Variants in FOXP4 observed in about 807,000 individuals in gnomAD.
The protein encoded by FOXP4 is forkhead box protein P4.
FOXP4 carries 25 observed loss-of-function variants against 82.6 expected under a neutral mutation model. That is an observed-to-expected ratio of 0.30 (90% CI 0.22 to 0.42). The LOEUF is 0.42. FOXP4 is among the 10% of genes least tolerant of loss of function. The pLI is 1.00. For synonymous variants in FOXP4, 415 were observed against 388.2 expected, an observed-to-expected ratio of 1.07 and a Z score of -0.81; for missense variants, 785 against 900.9, an observed-to-expected ratio of 0.87 and a Z score of 1.65.
At chr6:41,567,963 A>G (rs1466068571) in intron 2 of FOXP4, among the ~76,000 whole-genome samples, 1 of 152,258 alleles carries the variant, frequency 6.6e-6, no homozygotes, top group Non-Finnish European at 1.5e-5. Flanking sequence ...AACATATTTG[A>G]GACTTAAAAA....
chr6:41,594,574 C>T (rs1442269304), intron 13 of FOXP4, among the ~76,000 whole-genome samples: 1 of 152,222 alleles, frequency 6.6e-6, no homozygotes, highest in Non-Finnish European at 1.5e-5. Context: ...TTATTACTAA[C>T]TGGATAGCAT....
In FOXP4 at chr6:41,591,582, C is replaced by G. The variant is rs1005534131; in HGVS notation, c.1536+260C>G. ...AGCAATCCTTCTCTAGGGTACACCC[C>G]CAAGGGCCCCAAAGACGCCAGCCCC... is the stretch of plus-strand genomic sequence containing the variant. On this transcript the variant is annotated intron_variant, in intron 13 of 16. Coordinates refer to ENST00000307972, the MANE Select transcript of FOXP4 (RefSeq NM_001012426.2). The surrounding 1 kb of genome is among the most constrained non-coding windows in gnomAD (Gnocchi z 4.2). 2.6e-5 allele frequency among the ~76,000 whole-genome samples: 4 copies of G among 152,192 alleles called. No homozygotes were observed. Among genetic ancestry groups the G allele is most frequent in the Admixed American group, 2.0e-4 (3 of 15,284 alleles).
In FOXP4 at chr6:41,584,926, C is replaced by T. The variant is rs754356891; in HGVS notation, c.423+35C>T. On this transcript the variant is annotated intron_variant, in intron 4 of 16. Transcript: ENST00000307972. ...GCCCCAGGGCAGCTGGTCCCTCCTC[C>T]TCTGCCTGGCCTGGCTCCTCCCACC... The T allele has an allele frequency of 1.1e-5, 18 of 1,580,050 alleles. No individual in the cohort carries two copies. In the Middle Eastern group the frequency reaches 5.1e-4, roughly 45 times the overall value.
At chr6:41,568,928 A>G (rs1296063234) in intron 2 of FOXP4, among the ~76,000 whole-genome samples, 2 of 152,362 alleles carry the variant, frequency 1.3e-5, no homozygotes, top group Non-Finnish European at 2.9e-5. Flanking sequence ...ACTTGTTTCC[A>G]TGCAACGAGC....
At chr6:41,552,092 G>T (rs1328542468) in intron 1 of FOXP4, among the ~76,000 whole-genome samples, 5 of 152,200 alleles carry the variant, frequency 3.3e-5, no homozygotes, top group Non-Finnish European at 7.3e-5. Context: ...GGAGGTTGGG[G>T]TAGCTTCCGT....
chr6:41,574,880 A>G (rs1006179651), intron 2 of FOXP4, among the ~76,000 whole-genome samples: 3 of 152,214 alleles, frequency 2.0e-5, no homozygotes, highest in Admixed American at 6.5e-5. Flanking sequence ...TTCCCCAGGT[A>G]GAAGAAAGCC....
At chr6:41,589,886 G>C (rs370795634) in intron 10 of FOXP4, 32 bp downstream of exon 10, 48 of 1,591,252 alleles carry the variant, frequency 3.0e-5, no homozygotes, top group Admixed American at 1.0e-4. Flanking sequence ...GCCCCTCCCA[G>C]AGCCTTCCAC....
At chr6:41,588,825 T>A (rs1366261425) in intron 9 of FOXP4, 94 bp downstream of exon 9, 1 of 1,393,932 alleles carries the variant, frequency 7.2e-7, no homozygotes, top group Non-Finnish European at 1.0e-6. Flanking sequence ...GTTGGGAGGG[T>A]CTCATGGAAG....
chr6:41,590,541 G>T (rs1040656140), intron 12 of FOXP4, among the ~76,000 whole-genome samples, 194 bp downstream of exon 12: 48 of 152,266 alleles, frequency 3.2e-4, no homozygotes, highest in African/African-American at 1.1e-3. Context: ...GCTGCATAGG[G>T]TTATGTGTCT....
At chr6:41,580,872 C>T (rs548825338) in intron 3 of FOXP4, among the ~76,000 whole-genome samples, 3 of 152,330 alleles carry the variant, frequency 2.0e-5, no homozygotes, top group East Asian at 3.9e-4. Context: ...GCCCACGCAC[C>T]TCCCAGCCAC....
chr6:41,561,863 G>A (rs2127339939), intron 1 of FOXP4, among the ~76,000 whole-genome samples: 1 of 152,326 alleles, frequency 6.6e-6, no homozygotes, highest in African/African-American at 2.4e-5. Flanking sequence ...GAAGGCAGAG[G>A]ATTCACAATG....
rs748467426 is a variant in FOXP4, at chr6:41,590,362, TAGG to T, written c.1434+22_1434+24del. 6.2e-6 allele frequency: 10 copies of T among 1,612,652 alleles called. No homozygotes were observed. Among genetic ancestry groups the T allele is most frequent in the East Asian group, 2.2e-5 (1 of 44,864 alleles). On this transcript the variant is annotated intron_variant, in intron 12 of 16. Coordinates refer to ENST00000307972, the MANE Select transcript of FOXP4 (RefSeq NM_001012426.2). ...TCATCCGCCAGGTGAGCAGGGCAGGTAGGAGGAGGGTGGGGAATGGCACACAGG... is the reference window on the plus strand; with the variant it reads ...TCATCCGCCAGGTGAGCAGGGCAGGTAGGAGGGTGGGGAATGGCACACAGG...
chr6:41,585,386 G>T lies in FOXP4; in HGVS notation c.424-45G>T, dbSNP rs969169314. ...AGATGGGACAGGGCTGGGGTTGTGGGGATAGCAGTACCCTGCCAGTGGTAA... is the reference window on the plus strand; with the variant it reads ...AGATGGGACAGGGCTGGGGTTGTGGTGATAGCAGTACCCTGCCAGTGGTAA... On this transcript the variant is annotated intron_variant, in intron 4 of 16. Coordinates refer to ENST00000307972, the MANE Select transcript of FOXP4 (RefSeq NM_001012426.2). 1.9e-6 allele frequency: 3 copies of T among 1,595,006 alleles called. No individual in the cohort carries two copies. In the African/African-American group the frequency reaches 4.0e-5, roughly 21 times the overall value.
chr6:41,572,449 G>A (rs1581738090), intron 2 of FOXP4, among the ~76,000 whole-genome samples: 1 of 152,314 alleles, frequency 6.6e-6, no homozygotes, highest in Admixed American at 6.5e-5. Flanking sequence ...CACTGTGAGT[G>A]CCCTGTGGGG....
chr6:41,566,566 A>C (rs990593605), intron 2 of FOXP4, among the ~76,000 whole-genome samples: 2 of 152,158 alleles, frequency 1.3e-5, no homozygotes, highest in Admixed American at 6.5e-5. Context: ...TAAAGTGCAG[A>C]GTTCGGGAGT....
chr6:41,587,646 T>A, intron 7 of FOXP4, 134 bp downstream of exon 7: 1 of 897,612 alleles, frequency 1.1e-6, no homozygotes, highest in South Asian at 1.7e-5. Context: ...CCACTCCCTC[T>A]CCCGGGGTGT....
chr6:41,585,326 T>G, intron 4 of FOXP4, 105 bp from the exon 5 acceptor site: 9 of 1,174,016 alleles, frequency 7.7e-6, no homozygotes, highest in Non-Finnish European at 1.1e-5. Flanking sequence ...AGACCATGTT[T>G]TAGGGAAACT....
chr6:41,570,736 G>T (rs1765153558), intron 2 of FOXP4, among the ~76,000 whole-genome samples: 1 of 152,176 alleles, frequency 6.6e-6, no homozygotes, highest in Non-Finnish European at 1.5e-5. Context: ...TAGAACTGGG[G>T]ATACAGAGGA....
chr6:41,569,898 A>AC (rs919644244), intron 2 of FOXP4, among the ~76,000 whole-genome samples: 15 of 145,078 alleles, frequency 1.0e-4, no homozygotes, highest in African/African-American at 2.3e-4. Context: ...CTTTTACCTC[A>AC]CCCCCCCTTC....
Sources: gnomAD v4.1 joint callset for allele counts (sites outside exome capture counted in the v4.1 genomes callset) on GRCh38, gnomAD v4.1.1 for gene constraint, Gnocchi (gnomAD v3.1) non-coding constraint, MANE v1.5 for transcripts, NCBI Gene and HGNC (gene_info 2026-07-23, HGNC 2026-07-21) for gene names.